RABGAP1L: variants seen among roughly 807,000 people sequenced by gnomAD.
RABGAP1L encodes rab GTPase-activating protein 1-like.
RABGAP1L carries 63 observed loss-of-function variants against 137.7 expected under a neutral mutation model. The observed-to-expected ratio is 0.46, with a 90% CI of 0.37 to 0.56. The LOEUF is 0.56. Ranked by LOEUF, RABGAP1L falls within the 20% of genes least tolerant of loss-of-function variation. The probability of loss-of-function intolerance (pLI) is 0.00; values close to 1 mark genes in which losing one functional copy is unlikely to be tolerated. For missense variants in RABGAP1L, 1,095 were observed against 1,244.0 expected, an observed-to-expected ratio of 0.88 and a Z score of 1.80; for synonymous variants, 431 against 433.7, an observed-to-expected ratio of 0.99 and a Z score of 0.08.
At chr1:174,313,112 A>G (rs1255955183) in intron 11 of RABGAP1L, among the ~76,000 whole-genome samples, 1 of 152,128 alleles carries the variant, frequency 6.6e-6, no homozygotes, top group Non-Finnish European at 1.5e-5. Flanking sequence ...TAGTTTTAGT[A>G]GAGACGAGGT....
At chr1:174,487,443 ACTC>A (rs935804771) in intron 13 of RABGAP1L, among the ~76,000 whole-genome samples, 11 of 151,426 alleles carry the variant, frequency 7.3e-5, no homozygotes, top group African/African-American at 2.7e-4. Context: ...AACTATAACT[ACTC>A]CTACTTTTTT....
chr1:174,440,267 C>T (rs1460845801), intron 13 of RABGAP1L, among the ~76,000 whole-genome samples: 3 of 152,102 alleles, frequency 2.0e-5, no homozygotes, highest in African/African-American at 7.2e-5. Context: ...AATGTAAAAC[C>T]AGTGAAGTAT....
chr1:174,263,093 C>G (rs76044555), intron 7 of RABGAP1L, among the ~76,000 whole-genome samples: 11,186 of 152,254 alleles, frequency 0.073, 605 homozygotes, highest in East Asian at 0.32. Context: ...CTTCCTGACA[C>G]AGACACTGTG....
intron 19 of RABGAP1L, among the ~76,000 whole-genome samples, chr1:174,925,550 T>C (rs952597658): frequency 1.3e-5 from 2 of 151,928 alleles, no homozygotes; most frequent in Non-Finnish European, 2.9e-5. Flanking sequence ...GGGAGGGCTT[T>C]GTAGGCCATG....
At chr1:174,533,507 G>A (rs1305933713) in intron 13 of RABGAP1L, among the ~76,000 whole-genome samples, 1 of 152,078 alleles carries the variant, frequency 6.6e-6, no homozygotes, top group East Asian at 1.9e-4. Flanking sequence ...TACTCAGTGT[G>A]AAGACGATGA....
intron 13 of RABGAP1L, among the ~76,000 whole-genome samples, chr1:174,429,664 G>A (rs1373322115): frequency 2.6e-5 from 4 of 152,002 alleles, no homozygotes; most frequent in Non-Finnish European, 5.9e-5. Context: ...GCCTCAACCC[G>A]GGAGGCGGAA....
intron 5 of RABGAP1L, chr1:174,245,898 A>ATTCCCAACACAC (rs1672216718): frequency 6.6e-6 from 1 of 152,082 alleles, no homozygotes; most frequent in Non-Finnish European, 1.5e-5. Flanking sequence ...AGCCTCCCAA[A>ATTCCCAACACAC]GTGCTGGGAT....
At chr1:174,865,702 C>T (rs1481598047) in intron 19 of RABGAP1L, among the ~76,000 whole-genome samples, 4 of 152,104 alleles carry the variant, frequency 2.6e-5, no homozygotes, top group Non-Finnish European at 4.4e-5. Context: ...TCGGGAGCTG[C>T]GGTGAGAAGA....
At chr1:174,413,673 C>T (rs567056421) in intron 13 of RABGAP1L, among the ~76,000 whole-genome samples, 1 of 152,100 alleles carries the variant, frequency 6.6e-6, no homozygotes, top group Non-Finnish European at 1.5e-5. Context: ...CCTCCTCCCC[C>T]CCTTTCTCTA....
At chr1:174,190,970 T>A (rs1466931709) in intron 1 of RABGAP1L, among the ~76,000 whole-genome samples, 3 of 152,192 alleles carry the variant, frequency 2.0e-5, no homozygotes, top group Non-Finnish European at 2.9e-5. Context: ...AACGGCTAGT[T>A]GGTGGAGCAG....
intron 11 of RABGAP1L, among the ~76,000 whole-genome samples, chr1:174,361,224 TG>T (rs1268584212): frequency 4.5e-5 from 6 of 134,174 alleles, no homozygotes; most frequent in African/African-American, 1.8e-4. Flanking sequence ...GCTCCAGTTT[TG>T]TTTTTTTTTT....
intron 13 of RABGAP1L, among the ~76,000 whole-genome samples, chr1:174,435,435 A>AT (rs1379979076): frequency 6.6e-6 from 1 of 151,748 alleles, no homozygotes; most frequent in Non-Finnish European, 1.5e-5. Context: ...TATCATTTAA[A>AT]TTTTTCTATA....
At chr1:174,752,507 C>T (rs1684418168) in intron 18 of RABGAP1L, among the ~76,000 whole-genome samples, 153 bp downstream of exon 18, 1 of 152,052 alleles carries the variant, frequency 6.6e-6, no homozygotes, top group South Asian at 2.1e-4. Flanking sequence ...CTCTTCCCTC[C>T]TCTCATCTTT....
intron 13 of RABGAP1L, among the ~76,000 whole-genome samples, chr1:174,474,598 T>G (rs7515144): frequency 0.7 from 103,002 of 147,954 alleles, 36,854 homozygotes; most frequent in African/African-American, 0.86. Context: ...TGATGATGAT[T>G]ATTATTATTA....
At chr1:174,610,593 T>C (rs1403057350) in intron 13 of RABGAP1L, among the ~76,000 whole-genome samples, 1 of 152,104 alleles carries the variant, frequency 6.6e-6, no homozygotes, top group Non-Finnish European at 1.5e-5. Context: ...CTGGGTCAAA[T>C]GGTATTTCTA....
intron 19 of RABGAP1L, among the ~76,000 whole-genome samples, chr1:174,888,223 G>T: frequency 6.6e-6 from 1 of 151,982 alleles, no homozygotes; most frequent in South Asian, 2.1e-4. Context: ...ATCTATAGGT[G>T]GCAAAATCAC....
intron 13 of RABGAP1L, among the ~76,000 whole-genome samples, chr1:174,595,594 G>A (rs1012520165): frequency 6.7e-6 from 1 of 148,858 alleles, no homozygotes; most frequent in African/African-American, 2.5e-5. Flanking sequence ...TCAGCTGCAG[G>A]TCTGTTGGAA....
At chr1:174,178,429 C>T (rs1666067342) in intron 1 of RABGAP1L, among the ~76,000 whole-genome samples, 1 of 152,034 alleles carries the variant, frequency 6.6e-6, no homozygotes, top group Admixed American at 6.6e-5. Flanking sequence ...TGTGTCAATT[C>T]CTGAAGGATA....
At chr1:174,813,026 G>A (rs1020467727) in intron 19 of RABGAP1L, among the ~76,000 whole-genome samples, 10 of 152,190 alleles carry the variant, frequency 6.6e-5, no homozygotes, top group Non-Finnish European at 1.5e-4. Flanking sequence ...GAAAATGTAG[G>A]CCATTGTAAG....
Sources: allele counts gnomAD v4.1 joint callset (sites outside exome capture counted in the v4.1 genomes callset), GRCh38; gene constraint gnomAD v4.1.1; transcripts MANE v1.5; gene names NCBI Gene and HGNC (gene_info 2026-07-23, HGNC 2026-07-21).